LMBRD2: variants seen among roughly 807,000 people sequenced by gnomAD.
The protein encoded by LMBRD2 is G protein-coupled receptor-associated protein LMBRD2.
A neutral mutation model predicts 94.4 loss-of-function variants in LMBRD2; 55 were observed. The ratio of observed to expected loss-of-function variants is 0.58; its 90% CI spans 0.47 to 0.73. The LOEUF is 0.73. LMBRD2 is among the 30% of genes least tolerant of loss of function. The probability of loss-of-function intolerance (pLI) is 0.00; values close to 1 mark genes in which losing one functional copy is unlikely to be tolerated. For missense variants in LMBRD2, 640 were observed against 831.9 expected (o/e 0.77, Z 2.84); for synonymous variants, 246 against 272.4 (o/e 0.90, Z 0.95).
chr5:36,144,587 G>A (rs1744494037), intron 1 of LMBRD2, among the ~76,000 whole-genome samples: 1 of 152,250 alleles, frequency 6.6e-6, no homozygotes, highest in African/African-American at 2.4e-5. Context: ...AGTAGGCTGA[G>A]GCAGGAGAAT....
intron 5 of LMBRD2, 80 bp from the exon 6 acceptor site, chr5:36,136,599 G>A: frequency 8.6e-7 from 1 of 1,168,374 alleles, no homozygotes; most frequent in Non-Finnish European, 1.3e-6. Context: ...CTTTAACACA[G>A]GAGACACTGT....
chr5:36,125,388 A>C (rs1332596543), intron 6 of LMBRD2, among the ~76,000 whole-genome samples: 1 of 152,162 alleles, frequency 6.6e-6, no homozygotes, highest in African/African-American at 2.4e-5. Flanking sequence ...CACATAGACA[A>C]AATTGCGAAA....
intron 6 of LMBRD2, among the ~76,000 whole-genome samples, chr5:36,130,334 T>C (rs896469480): frequency 6.6e-6 from 1 of 152,156 alleles, no homozygotes; most frequent in Non-Finnish European, 1.5e-5. Context: ...CTGTTTATTT[T>C]TGCAATCAAT....
intron 11 of LMBRD2, among the ~76,000 whole-genome samples, chr5:36,116,114 C>G (rs1199138741): frequency 6.6e-6 from 1 of 152,180 alleles, no homozygotes; most frequent in African/African-American, 2.4e-5. Context: ...CAGTCCTCCT[C>G]AACTCAGTGA....
chr5:36,142,311 A>G (rs1307215514), intron 3 of LMBRD2, among the ~76,000 whole-genome samples, 191 bp downstream of exon 3: 2 of 152,198 alleles, frequency 1.3e-5, no homozygotes, highest in African/African-American at 4.8e-5. Context: ...GTGGACCAAT[A>G]AATATTAAAA....
Position 36,122,382 on chromosome 5 carries a change from C to T in LMBRD2, c.1018G>A (p.Val340Ile). 3.1e-6 allele frequency: 5 copies of T among 1,613,158 alleles called. No individual in the cohort carries two copies. The highest frequency in any genetic ancestry group is 4.2e-6 in the Non-Finnish European group (5 of 1,179,502). The change falls in exon 9 of 18, where the codon GTA (valine) becomes ATA (isoleucine). Residue 340 changes from valine to isoleucine, a missense_variant. Val to Ile is a conservative substitution (Grantham distance 29). Coordinates refer to ENST00000296603, the MANE Select transcript of LMBRD2 (RefSeq NM_001007527.2). ...GTAGCACTAGTTTCATTTTTTGCTACATCTTCTAGATAAAATGCTTGTTCC... is the reference window on the plus strand; with the variant it reads ...GTAGCACTAGTTTCATTTTTTGCTATATCTTCTAGATAAAATGCTTGTTCC... ...LLEQAFYLED[V>I]AKNETSATHQ...
At chr5:36,134,481 T>G (rs749548861) in intron 6 of LMBRD2, among the ~76,000 whole-genome samples, 1 of 152,128 alleles carries the variant, frequency 6.6e-6, no homozygotes, top group Non-Finnish European at 1.5e-5. Context: ...GCAGATTTAA[T>G]TAGCTAAGTT....
At chr5:36,123,010 T>C in intron 7 of LMBRD2, 49 bp from the exon 8 acceptor site, 2 of 1,395,984 alleles carry the variant, frequency 1.4e-6, no homozygotes, top group Non-Finnish European at 1.9e-6. Context: ...TGTAAAAAGA[T>C]AAAAATTTAT....
At chr5:36,114,542 A>G (rs1743693072) in intron 12 of LMBRD2, 21 bp from the exon 13 acceptor site, 2 of 1,516,812 alleles carry the variant, frequency 1.3e-6, no homozygotes, top group Non-Finnish European at 1.8e-6. Context: ...AGAAAAAAGT[A>G]AGTTAAATTG....
At position 36,117,892 on chromosome 5, in the gene LMBRD2, C is replaced by T. The variant is rs141525662; in HGVS notation, c.1145G>A (p.Arg382Gln). Reference protein sequence around the residue: ...TFEWYWECLLRPWFYKILAVV... With the variant: ...TFEWYWECLLQPWFYKILAVV... ...AGCAAGTATCTTGTAAAACCATGGT[C>T]GCAAAAGACATTCCCAGTACCATTC... Residue 382 changes from arginine to glutamine, a missense_variant, in exon 10 of 18, where the codon CGA (arginine) becomes CAA (glutamine). Physicochemically the swap from Arg to Gln is conservative, Grantham distance 43. Around this residue, in one of 2 missense-constraint regions of LMBRD2, gnomAD observed 457 missense variants for 642.8 expected, o/e 0.71. Coordinates refer to ENST00000296603, the MANE Select transcript of LMBRD2 (RefSeq NM_001007527.2). 6.4e-5 allele frequency: 103 copies of T among 1,610,166 alleles called. No individual in the cohort carries two copies. Among genetic ancestry groups the T allele is most frequent in the Non-Finnish European group, 8.3e-5 (98 of 1,178,708 alleles).
chr5:36,142,863 T>C, intron 2 of LMBRD2: 1 of 379,944 alleles, frequency 2.6e-6, no homozygotes, highest in Non-Finnish European at 4.8e-6. Context: ...TAGCTGGGAC[T>C]ACAGGCGTCC....
At chr5:36,110,084 T>C in intron 14 of LMBRD2, 93 bp from the exon 15 acceptor site, 1 of 910,004 alleles carries the variant, frequency 1.1e-6, no homozygotes, top group Non-Finnish European at 1.7e-6. Flanking sequence ...TGACCAGTAT[T>C]TCTTTTAAAT....
chr5:36,104,156 G>T (rs1178089877), intron 17 of LMBRD2, 50 bp from the exon 18 acceptor site: 1 of 1,422,972 alleles, frequency 7.0e-7, no homozygotes, highest in East Asian at 2.3e-5. Flanking sequence ...AATAATAAAG[G>T]AAGAGAGGAA....
At chr5:36,130,241 A>C (rs946305776) in intron 6 of LMBRD2, among the ~76,000 whole-genome samples, 5 of 152,178 alleles carry the variant, frequency 3.3e-5, no homozygotes, top group African/African-American at 1.2e-4. Flanking sequence ...AGACACAGAT[A>C]GTATAATAAT....
intron 6 of LMBRD2, among the ~76,000 whole-genome samples, chr5:36,130,363 T>A (rs1744123866): frequency 6.6e-6 from 1 of 152,152 alleles, no homozygotes; most frequent in Non-Finnish European, 1.5e-5. Flanking sequence ...GTCATCAGTT[T>A]AAAATAACAG....
intron 14 of LMBRD2, 71 bp from the exon 15 acceptor site, chr5:36,110,062 G>A: frequency 8.8e-7 from 1 of 1,135,962 alleles, no homozygotes; most frequent in Non-Finnish European, 1.3e-6. Flanking sequence ...CTGAAGTAAA[G>A]ATAGCGGGCA....
At position 36,146,923 on chromosome 5, in the gene LMBRD2, T is replaced by TGA. The variant is rs1554083535; in HGVS notation, c.-57-3518_-57-3517insTC. 1.2e-4 allele frequency among the ~76,000 whole-genome samples: 15 copies of TGA among 128,510 alleles called. No individual in the cohort carries two copies. In the East Asian group the frequency reaches 1.7e-3, roughly 14 times the overall value. The allele number at this position is 128,510 out of a possible 152,430, so 84.3% of individuals were successfully genotyped here. ...CTCCTCACTCACTTCTCTCTCTGCG[T>TGA]GTGTGTGTGTGTGTGTGAGTGTGTG... On this transcript the variant is annotated intron_variant, in intron 1 of 17. Transcript: ENST00000296603.
At chr5:36,144,678 C>T (rs531861509) in intron 1 of LMBRD2, among the ~76,000 whole-genome samples, 39 of 152,200 alleles carry the variant, frequency 2.6e-4, no homozygotes, top group Non-Finnish European at 4.3e-4. Flanking sequence ...GAGCAAAATT[C>T]TGTCTCAAAA....
intron 13 of LMBRD2, among the ~76,000 whole-genome samples, chr5:36,112,851 T>C (rs942466079): frequency 6.6e-6 from 1 of 152,192 alleles, no homozygotes; most frequent in Admixed American, 6.5e-5. Context: ...TGTTCCACTT[T>C]ATTAACTTTT....
Sources: allele counts gnomAD v4.1 joint callset (sites outside exome capture counted in the v4.1 genomes callset), GRCh38; gene constraint gnomAD v4.1.1; regional missense constraint gnomAD v4.1.1; transcripts MANE v1.5; gene names NCBI Gene and HGNC (gene_info 2026-07-23, HGNC 2026-07-21).